SLC13A4: variants seen among roughly 807,000 people sequenced by gnomAD.
SLC13A4 encodes Na(+)/sulfate cotransporter SUT-1.
SLC13A4 carries 28 observed loss-of-function variants against 72.7 expected under a neutral mutation model. The ratio of observed to expected loss-of-function variants is 0.39; its 90% CI spans 0.29 to 0.53. The LOEUF (loss-of-function observed/expected upper bound fraction) is 0.53. Among genes scored for constraint, SLC13A4 ranks in the 20% least tolerant of loss-of-function variants. The pLI is 0.78. For synonymous variants in SLC13A4, 312 were observed against 325.5 expected, an observed-to-expected ratio of 0.96 and a Z score of 0.45; for missense variants, 653 against 788.0, an observed-to-expected ratio of 0.83 and a Z score of 2.05.
At chr7:135,707,163 T>C (rs577704317) in intron 3 of SLC13A4, among the ~76,000 whole-genome samples, 1 of 152,324 alleles carries the variant, frequency 6.6e-6, no homozygotes, top group Non-Finnish European at 1.5e-5. Flanking sequence ...GGCAACTTGC[T>C]GACTGATGTA....
At chr7:135,694,378 C>A in intron 9 of SLC13A4, 140 bp from the exon 10 acceptor site, 1 of 604,052 alleles carries the variant, frequency 1.7e-6, no homozygotes, top group Non-Finnish European at 2.9e-6. Flanking sequence ...CTATCCCCCA[C>A]CTATTCATAT....
In SLC13A4 at chr7:135,708,028, C is replaced by A. The variant is rs1487775293; in HGVS notation, c.365+86G>T. 7 of 1,518,334 alleles carry A rather than the reference C, an allele frequency of 4.6e-6. No homozygotes were observed. The East Asian group carries it at 1.4e-4, about 30-fold the overall frequency. 94.1% of individuals were successfully genotyped at this position (1,518,334 alleles called of 1,614,324 possible). On this transcript the variant is annotated intron_variant, in intron 3 of 15. Transcript: ENST00000682651. ...GTAAAAAAACAGCTGAAGTGGACAT[C>A]CCGCAGTGACCTGAGACCACTGTCC...
intron 13 of SLC13A4, among the ~76,000 whole-genome samples, chr7:135,689,542 G>A (rs563398799): frequency 1.3e-5 from 2 of 152,158 alleles, no homozygotes; most frequent in Non-Finnish European, 2.9e-5. Flanking sequence ...GTTTGAATAA[G>A]GCCAAGTGTA....
At chr7:135,687,314 G>C (rs754024688) in intron 13 of SLC13A4, among the ~76,000 whole-genome samples, 1 of 152,314 alleles carries the variant, frequency 6.6e-6, no homozygotes, top group South Asian at 2.1e-4. Context: ...AGCAGGGACA[G>C]AAAGGAAGGT....
intron 7 of SLC13A4, among the ~76,000 whole-genome samples, chr7:135,700,542 A>C (rs894220344): frequency 2.0e-5 from 3 of 152,210 alleles, no homozygotes; most frequent in African/African-American, 7.2e-5. Context: ...TCCATTGATT[A>C]ACAGAGCTGG....
intron 2 of SLC13A4, among the ~76,000 whole-genome samples, chr7:135,721,106 CT>C (rs1301104441): frequency 6.6e-6 from 1 of 152,150 alleles, no homozygotes; most frequent in Non-Finnish European, 1.5e-5. Context: ...AATCACACAG[CT>C]CCTAAAAGGC....
At chr7:135,689,859 A>G (rs902368392) in intron 13 of SLC13A4, among the ~76,000 whole-genome samples, 3 of 152,066 alleles carry the variant, frequency 2.0e-5, no homozygotes, top group Admixed American at 6.6e-5. Flanking sequence ...CTTATTATTA[A>G]TAATGCAGAT....
At chr7:135,715,076 G>GA (rs141880108) in intron 2 of SLC13A4, among the ~76,000 whole-genome samples, 45,711 of 151,324 alleles carry the variant, frequency 0.3, 7,297 homozygotes, top group Admixed American at 0.38. Context: ...GTGTGTGTAT[G>GA]ATGTGTGTGT....
Position 135,699,543 on chromosome 7 carries a change from C to G in SLC13A4, c.720G>C (p.Lys240Asn). 6.3e-7 allele frequency: 1 copy of G among 1,593,834 alleles called. No homozygotes were observed. Among genetic ancestry groups the G allele is most frequent in the Non-Finnish European group, 8.6e-7 (1 of 1,169,214 alleles). Reference sequence around the variant, plus strand: ...TGGGGCTGGGGGTCAGGACTTGTGGCTTTTCCTAACGAAGGAAAATCAGCA... The same window carrying G: ...TGGGGCTGGGGGTCAGGACTTGTGGGTTTTCCTAACGAAGGAAAATCAGCA... ...QGKKQHPSQEKPQVLTPSPRK... is the reference protein window; with the variant it reads ...QGKKQHPSQENPQVLTPSPRK... Residue 240 changes from lysine to asparagine, a missense_variant, in exon 8 of 16, where the codon AAG (lysine) becomes AAC (asparagine). Lys to Asn is a moderately conservative substitution (Grantham distance 94). Transcript: ENST00000682651.
At chr7:135,693,528 T>G (rs1795838147) in intron 10 of SLC13A4, 2 of 152,250 alleles carry the variant, frequency 1.3e-5, no homozygotes, top group Admixed American at 6.5e-5. Context: ...TGTATTCCTT[T>G]TATAACTTAA....
rs758129488 is a variant in SLC13A4 at position 135,692,427 on chromosome 7, A to G, written c.1122-3T>C. ...ATCCAGTCACCATTTCTGGGTAGCT[A>G]TAAAATAAAACAGAAAGACCCACTC... is the stretch of plus-strand genomic sequence containing the variant. On this transcript the variant is annotated splice_region_variant and splice_polypyrimidine_tract_variant and intron_variant, in intron 10 of 15. Coordinates refer to ENST00000682651, the MANE Select transcript of SLC13A4 (RefSeq NM_001318192.2). 9.4e-6 allele frequency: 15 copies of G among 1,603,112 alleles called. No individual in the cohort carries two copies. The East Asian group carries it at 2.9e-4, about 31-fold the overall frequency.
In SLC13A4 at chr7:135,728,148, C is replaced by T. The variant is rs73160758; in HGVS notation, c.-652G>A. ...CATGTCTTTCCCTCAAATTGGTTCC[C>T]TACTTATAATTTGCCTTGAGCCTGG... On this transcript the variant is annotated 5_prime_UTR_variant, in exon 1 of 16. Transcript: ENST00000682651. 6,870 of 152,202 alleles carry T rather than the reference C, an allele frequency of 0.045. 196 individuals are homozygous for T. The highest frequency in any genetic ancestry group is 0.086 in the South Asian group (414 of 4,824). The allele number at this position is 152,202 out of a possible 1,614,324, so 9.4% of individuals were successfully genotyped here.
intron 13 of SLC13A4, among the ~76,000 whole-genome samples, chr7:135,687,534 C>T (rs1413774763): frequency 6.6e-6 from 1 of 152,194 alleles, no homozygotes; most frequent in East Asian, 1.9e-4. Context: ...TCTGTTGTAG[C>T]CACTTCACCT....
intron 2 of SLC13A4, 128 bp from the exon 3 acceptor site, chr7:135,708,378 G>A: frequency 1.6e-6 from 2 of 1,274,014 alleles, no homozygotes; most frequent in Non-Finnish European, 2.2e-6. Flanking sequence ...AGGGGAGGCA[G>A]GGGGGTGAGG....
intron 2 of SLC13A4, among the ~76,000 whole-genome samples, chr7:135,715,049 AGTGT>A (rs1242406180): frequency 1.5e-5 from 2 of 136,504 alleles, no homozygotes; most frequent in African/African-American, 2.9e-5. Context: ...TGAGGGTATG[AGTGT>A]GTATGTGAAT....
chr7:135,695,476 G>A lies in SLC13A4; in HGVS notation c.911C>T (p.Ala304Val). The A allele has an allele frequency of 6.2e-7, 1 of 1,614,026 alleles. No homozygotes were observed. The highest frequency in any genetic ancestry group is 8.5e-7 in the Non-Finnish European group (1 of 1,179,920). ...GGTGCCAAAGTTCACCACCTCTGCG[G>A]CTGGATACTGGCTGGAGGGTAAAGA... ...FLEHFNNQYP[A>V]AEVVNFGTWF... The change falls in exon 9 of 16, where the codon GCC (alanine) becomes GTC (valine). Residue 304 changes from alanine to valine, a missense_variant. By Grantham distance (64) the Ala-to-Val change is moderately conservative. Coordinates refer to ENST00000682651, the MANE Select transcript of SLC13A4 (RefSeq NM_001318192.2).
intron 8 of SLC13A4, among the ~76,000 whole-genome samples, chr7:135,696,706 C>G (rs913349874): frequency 6.6e-6 from 1 of 152,094 alleles, no homozygotes; most frequent in Non-Finnish European, 1.5e-5. Context: ...ACAGCCAGCT[C>G]TCCATTTTCT....
At chr7:135,687,721 A>G (rs1385732962) in intron 13 of SLC13A4, among the ~76,000 whole-genome samples, 1 of 152,378 alleles carries the variant, frequency 6.6e-6, no homozygotes, top group Admixed American at 6.5e-5. Flanking sequence ...GGGGAGGAAC[A>G]GCAGTTAGTT....
chr7:135,681,272 A>ATTTTC lies in SLC13A4; in HGVS notation c.*286_*290dup, dbSNP rs1370117471. The ATTTTC allele has an allele frequency of 7.1e-6, 2 of 280,630 alleles. No homozygotes were observed. Among genetic ancestry groups the ATTTTC allele is most frequent in the African/African-American group, 4.4e-5 (2 of 45,712 alleles). 17.4% of individuals were successfully genotyped at this position (280,630 alleles called of 1,614,324 possible). ...CTTCTTTTTTTTTAATTTAATTTTTATTTTCTTTTTCTTTTTCTGTGAGCC... is the reference window on the plus strand; with the variant it reads ...CTTCTTTTTTTTTAATTTAATTTTTATTTTCTTTTCTTTTTCTTTTTCTGTGAGCC... On this transcript the variant is annotated 3_prime_UTR_variant, in exon 16 of 16. Coordinates refer to ENST00000682651, the MANE Select transcript of SLC13A4 (RefSeq NM_001318192.2).
Sources: gnomAD v4.1 joint callset for allele counts (sites outside exome capture counted in the v4.1 genomes callset) on GRCh38, gnomAD v4.1.1 for gene constraint, MANE v1.5 for transcripts, NCBI Gene and HGNC (gene_info 2026-07-23, HGNC 2026-07-21) for gene names.